TRIO: variants seen among roughly 807,000 people sequenced by gnomAD.
TRIO encodes the protein trio Rho guanine nucleotide exchange factor, also known as triple functional domain protein.
In TRIO, 58 loss-of-function variants were observed where a neutral mutation model predicts 351.9. The ratio of observed to expected loss-of-function variants is 0.16; its 90% CI spans 0.13 to 0.21. The LOEUF (loss-of-function observed/expected upper bound fraction) is 0.21. TRIO is among the 10% of genes least tolerant of loss of function. TRIO has a pLI of 1.00. For synonymous variants in TRIO, 1,758 were observed against 1,595.7 expected, an observed-to-expected ratio of 1.10 and a Z score of -2.42; for missense variants, 3,201 against 4,027.8, an observed-to-expected ratio of 0.79 and a Z score of 5.56.
chr5:14,270,917 A>G lies in TRIO; in HGVS notation c.232+18A>G, dbSNP rs201770361. On this transcript the variant is annotated intron_variant, in intron 2 of 56. Coordinates refer to ENST00000344204, the MANE Select transcript of TRIO (RefSeq NM_007118.4). ...CCTTTCAGGTAAAGTTTAACTTTCA[A>G]CTCTGCTCTATCCAACTGCTCTGAC... The G allele has an allele frequency of 5.1e-6, 8 of 1,583,976 alleles. No homozygotes were observed. The highest frequency in any genetic ancestry group is 1.7e-5 in the Admixed American group (1 of 59,902).
intron 20 of TRIO, 111 bp from the exon 21 acceptor site, chr5:14,381,019 G>C (rs1243732719): frequency 7.3e-7 from 1 of 1,376,444 alleles, no homozygotes. Flanking sequence ...AATGCTTCTC[G>C]ATGCTGCCAG....
At chr5:14,419,718 A>C in intron 33 of TRIO, 60 bp from the exon 34 acceptor site, 1 of 1,589,864 alleles carries the variant, frequency 6.3e-7, no homozygotes. Context: ...TCCCAGCTGT[A>C]CCTGAAGGCA....
At chr5:14,148,227 G>A (rs1473626767) in intron 1 of TRIO, among the ~76,000 whole-genome samples, 1 of 152,154 alleles carries the variant, frequency 6.6e-6, no homozygotes, top group African/African-American at 2.4e-5. Context: ...GAAGCATGTG[G>A]TTTACATATG....
Position 14,214,005 on chromosome 5 carries a change from A to C in TRIO, c.158-56820A>C, listed in dbSNP as rs1345273659. Among the ~76,000 whole-genome samples the C allele has an allele frequency of 3.9e-5, 6 of 152,264 alleles. No individual in the cohort carries two copies. In the South Asian group the frequency reaches 6.2e-4, roughly 16 times the overall value. On this transcript the variant is annotated intron_variant, in intron 1 of 56. Transcript: ENST00000344204. ...AATGACTCTCTGCTTTAACTGACTT[A>C]GTTAAAAATTATCTTACCTGACTAC... is the stretch of plus-strand genomic sequence containing the variant.
intron 30 of TRIO, 145 bp from the exon 31 acceptor site, chr5:14,400,818 T>C: frequency 1.5e-6 from 1 of 675,510 alleles, no homozygotes; most frequent in Non-Finnish European, 2.5e-6. Context: ...GTCCTCATTA[T>C]AACTCACATG....
intron 38 of TRIO, 141 bp from the exon 39 acceptor site, chr5:14,472,451 T>G: frequency 1.1e-6 from 1 of 888,638 alleles, no homozygotes; most frequent in Admixed American, 2.6e-5. Flanking sequence ...TTTGGGACTC[T>G]CCAGAATTTA....
At chr5:14,504,763 G>A in intron 55 of TRIO, 170 bp downstream of exon 55, 5 of 796,252 alleles carry the variant, frequency 6.3e-6, no homozygotes, top group Non-Finnish European at 9.7e-6. Context: ...TCCAGTAATG[G>A]CAGAAAGCAG....
chr5:14,307,120 G>A (rs1236020261), intron 8 of TRIO, among the ~76,000 whole-genome samples: 1 of 152,150 alleles, frequency 6.6e-6, no homozygotes, highest in Non-Finnish European at 1.5e-5. Context: ...AGGGCTACAG[G>A]AAAGTGGTAG....
chr5:14,488,037 A>G lies in TRIO; in HGVS notation c.7409A>G (p.Lys2470Arg). 1 of 1,606,306 alleles carries G rather than the reference A, an allele frequency of 6.2e-7. No homozygotes were observed. The highest frequency in any genetic ancestry group is 8.5e-7 in the Non-Finnish European group (1 of 1,177,506). The change falls in exon 48 of 57, where the codon AAG becomes AGG. Residue 2470 changes from lysine (K) to arginine (R), a missense_variant. This residue lies in a region of TRIO where 1,089 missense variants were observed against 954.9 expected (regional missense o/e 1.14). Coordinates refer to ENST00000344204, the MANE Select transcript of TRIO (RefSeq NM_007118.4). ...TCCAGCGCGGTCCCTTCTCTCGGCA[A>G]GGAGCCCTTCCCCCCCAGCAGCCCC... ...PLSSAVPSLG[K>R]EPFPPSSPLQ...
At chr5:14,394,017 T>C (rs376286155) in intron 27 of TRIO, 21 bp from the exon 28 acceptor site, 2 of 1,572,916 alleles carry the variant, frequency 1.3e-6, no homozygotes, top group Non-Finnish European at 1.7e-6. Context: ...AACTCTTGTT[T>C]CTTGTTTGGT....
intron 34 of TRIO, among the ~76,000 whole-genome samples, chr5:14,453,567 T>A (rs1753005508): frequency 6.6e-6 from 1 of 152,122 alleles, no homozygotes; most frequent in South Asian, 2.1e-4. Context: ...TTATGAAGTT[T>A]GTTTGTTCCC....
intron 5 of TRIO, among the ~76,000 whole-genome samples, chr5:14,292,471 ATAGT>A (rs1349732643): frequency 1.3e-5 from 2 of 152,238 alleles, no homozygotes; most frequent in African/African-American, 2.4e-5. Context: ...GGGAGATGTC[ATAGT>A]TAGTTTTTCC....
chr5:14,391,428 G>A (rs1469098573), intron 27 of TRIO, among the ~76,000 whole-genome samples: 4 of 151,946 alleles, frequency 2.6e-5, no homozygotes, highest in Non-Finnish European at 5.9e-5. Flanking sequence ...ATGATGTTAC[G>A]AATTTTCAAA....
At chr5:14,211,058 C>T (rs1304340201) in intron 1 of TRIO, among the ~76,000 whole-genome samples, 1 of 152,168 alleles carries the variant, frequency 6.6e-6, no homozygotes, top group African/African-American at 2.4e-5. Flanking sequence ...CCACTTGAAG[C>T]CGTGCCAACT....
chr5:14,270,925 C>T (rs750713940), intron 2 of TRIO, 26 bp downstream of exon 2: 1 of 1,532,854 alleles, frequency 6.5e-7, no homozygotes, highest in Non-Finnish European at 9.0e-7. Flanking sequence ...CAACTCTGCT[C>T]TATCCAACTG....
In TRIO at chr5:14,368,778, T is replaced by C. The variant is rs1314464978; in HGVS notation, c.2945T>C (p.Met982Thr). ...ATGCTACAGGCCAACCACTACGACA[T>C]GGACATGATCCGGGACTGCGCCGAG... ...EAMLQANHYDMDMIRDCAEKV... is the reference protein window; with the variant it reads ...EAMLQANHYDTDMIRDCAEKV... The change falls in exon 17 of 57, where the codon ATG (methionine) becomes ACG (threonine). Residue 982 changes from methionine to threonine, a missense_variant. Physicochemically the swap from Met to Thr is moderately conservative, Grantham distance 81 (BLOSUM62 -1). Around this residue, in one of 19 missense-constraint regions of TRIO, gnomAD observed 363 missense variants for 553.5 expected, o/e 0.66. Coordinates refer to ENST00000344204, the MANE Select transcript of TRIO (RefSeq NM_007118.4). 5.6e-6 allele frequency: 9 copies of C among 1,613,876 alleles called. No homozygotes were observed. Among genetic ancestry groups the C allele is most frequent in the African/African-American group, 4.0e-5 (3 of 74,862 alleles).
chr5:14,483,210 G>T (rs958342689), intron 46 of TRIO, among the ~76,000 whole-genome samples: 1 of 152,212 alleles, frequency 6.6e-6, no homozygotes, highest in African/African-American at 2.4e-5. Flanking sequence ...GGCCCAGCTG[G>T]ATGCCCTCCC....
At chr5:14,454,069 A>G (rs532399354) in intron 34 of TRIO, among the ~76,000 whole-genome samples, 1 of 152,212 alleles carries the variant, frequency 6.6e-6, no homozygotes, top group East Asian at 1.9e-4. Context: ...AGCTGGGACT[A>G]CAGGCATGCG....
chr5:14,189,213 T>C (rs1790314043), intron 1 of TRIO, among the ~76,000 whole-genome samples: 1 of 152,242 alleles, frequency 6.6e-6, no homozygotes, highest in East Asian at 1.9e-4. Flanking sequence ...GCCTAAGCTT[T>C]AATGAGGATA....
Sources: allele counts gnomAD v4.1 joint callset (sites outside exome capture counted in the v4.1 genomes callset), GRCh38; gene constraint gnomAD v4.1.1; regional missense constraint gnomAD v4.1.1; transcripts MANE v1.5; gene names NCBI Gene and HGNC (gene_info 2026-07-23, HGNC 2026-07-21).